Variants in MAF observed in about 807,000 individuals in gnomAD.
The protein encoded by MAF is transcription factor Maf.
A neutral mutation model predicts 22.0 loss-of-function variants in MAF; 10 were observed. That is an observed-to-expected ratio of 0.45 (90% CI 0.28 to 0.77). The LOEUF (loss-of-function observed/expected upper bound fraction) is 0.77, where lower values mean the gene tolerates loss of function less well. Ranked by LOEUF, MAF falls within the 30% of genes least tolerant of loss-of-function variation. The pLI, the probability that MAF is intolerant of heterozygous loss-of-function variation, is 0.12. For missense variants in MAF, 544 were observed against 548.4 expected (o/e 0.99, Z 0.08); for synonymous variants, 337 against 255.8 (o/e 1.32, Z -3.03).
the MAF span, among the ~76,000 whole-genome samples, chr16:79,356,137 T>C: frequency 1.3e-5 from 2 of 151,716 alleles, no homozygotes; most frequent in African/African-American, 2.4e-5. Flanking sequence ...CACTTATGCA[T>C]ACTCACACTC....
chr16:79,261,353 A>T, the MAF span, among the ~76,000 whole-genome samples: 1 of 96,584 alleles, frequency 1.0e-5, no homozygotes, highest in Non-Finnish European at 2.8e-5. Flanking sequence ...GGGTTTCACC[A>T]TGTTGGCCAG....
chr16:79,455,353 A>G, the MAF span, among the ~76,000 whole-genome samples: 97 of 152,258 alleles, frequency 6.4e-4, 1 homozygote, highest in East Asian at 0.017. Flanking sequence ...TCTTTGATTT[A>G]TTTTGTGCCA....
At chr16:79,211,670 G>C in the MAF span, 1 of 1,614,198 alleles carries the variant, frequency 6.2e-7, no homozygotes, top group Non-Finnish European at 8.5e-7. Context: ...GTCTGGGAGG[G>C]ATGTACTTCA....
chr16:79,520,548 A>T, the MAF span, among the ~76,000 whole-genome samples: 1 of 152,140 alleles, frequency 6.6e-6, no homozygotes, highest in Non-Finnish European at 1.5e-5. Flanking sequence ...AGTAGTACAT[A>T]AATAAATATG....
the MAF span, among the ~76,000 whole-genome samples, chr16:79,362,397 T>G: frequency 2.0e-5 from 3 of 152,140 alleles, no homozygotes; most frequent in Non-Finnish European, 4.4e-5. Flanking sequence ...CAGAGGGAGA[T>G]CCCAGTGCTT....
the MAF span, among the ~76,000 whole-genome samples, chr16:79,365,512 A>G: frequency 6.6e-6 from 1 of 152,104 alleles, no homozygotes; most frequent in African/African-American, 2.4e-5. Context: ...TGATCTCTTC[A>G]TTGCACTTTG....
At chr16:79,409,295 G>A in the MAF span, among the ~76,000 whole-genome samples, 1 of 152,164 alleles carries the variant, frequency 6.6e-6, no homozygotes, top group African/African-American at 2.4e-5. Context: ...CCAAACGTTG[G>A]CATGGAAAGG....
At chr16:79,298,022 G>A in the MAF span, among the ~76,000 whole-genome samples, 1 of 152,244 alleles carries the variant, frequency 6.6e-6, no homozygotes, top group African/African-American at 2.4e-5. Flanking sequence ...GCAAGGTCCA[G>A]TGCGGAATGA....
chr16:79,548,931 T>A, the MAF span, among the ~76,000 whole-genome samples: 1 of 152,192 alleles, frequency 6.6e-6, no homozygotes, highest in African/African-American at 2.4e-5. Context: ...ATTCACTAGC[T>A]AGTTATTCTG....
chr16:79,525,319 T>C, the MAF span, among the ~76,000 whole-genome samples: 5 of 152,188 alleles, frequency 3.3e-5, no homozygotes, highest in African/African-American at 9.6e-5. Context: ...TTGAGAACAG[T>C]GAATTCCTTT....
chr16:79,498,664 T>C, the MAF span, among the ~76,000 whole-genome samples: 2 of 152,206 alleles, frequency 1.3e-5, no homozygotes, highest in Admixed American at 6.5e-5. Flanking sequence ...GTTAAGTACC[T>C]AGCTGAAGTT....
chr16:79,479,999 G>A, the MAF span, among the ~76,000 whole-genome samples: 4 of 152,220 alleles, frequency 2.6e-5, no homozygotes, highest in South Asian at 2.1e-4. Flanking sequence ...AAAGGATACC[G>A]GCAGCTCTAC....
chr16:79,575,963 G>A, the MAF span, among the ~76,000 whole-genome samples: 1,330 of 151,980 alleles, frequency 8.8e-3, 10 homozygotes, highest in Non-Finnish European at 0.013. Flanking sequence ...GTCCTAAACC[G>A]GGGTCCTGAA....
the MAF span, among the ~76,000 whole-genome samples, chr16:79,321,462 G>A: frequency 3.3e-5 from 5 of 152,134 alleles, no homozygotes; most frequent in Admixed American, 3.3e-4. Context: ...GGAGGCTAGA[G>A]AGGAGAGGCC....
chr16:79,298,759 C>T, the MAF span, among the ~76,000 whole-genome samples: 9 of 152,324 alleles, frequency 5.9e-5, no homozygotes, highest in African/African-American at 9.6e-5. Flanking sequence ...CAGGGCAGAG[C>T]GGACGTGACG....
At chr16:79,378,745 C>T in the MAF span, among the ~76,000 whole-genome samples, 1 of 152,068 alleles carries the variant, frequency 6.6e-6, no homozygotes, top group African/African-American at 2.4e-5. Context: ...AATAGTAAAT[C>T]AAGTGGGTAT....
the MAF span, among the ~76,000 whole-genome samples, chr16:79,404,614 G>T: frequency 2.0e-5 from 3 of 149,544 alleles, no homozygotes; most frequent in Non-Finnish European, 3.0e-5. Flanking sequence ...AATGACAAGC[G>T]CTTCAATCTC....
chr16:79,534,264 A>C, the MAF span, among the ~76,000 whole-genome samples: 5 of 152,164 alleles, frequency 3.3e-5, no homozygotes, highest in Non-Finnish European at 7.3e-5. Context: ...ACTTAAAATA[A>C]AGTTAGGTGT....
At chr16:79,229,915 T>C in the MAF span, among the ~76,000 whole-genome samples, 541 of 152,190 alleles carry the variant, frequency 3.6e-3, 7 homozygotes, top group Non-Finnish European at 6.4e-3. Context: ...TTCGTTTTTA[T>C]AGGCCTTTTG....
Sources: allele counts gnomAD v4.1 joint callset (sites outside exome capture counted in the v4.1 genomes callset), GRCh38; gene constraint gnomAD v4.1.1; transcripts MANE v1.5; gene names NCBI Gene and HGNC (gene_info 2026-07-23, HGNC 2026-07-21).